The following DDX42 variants were observed in gnomAD, a reference collection of about 807,000 sequenced individuals.
DDX42 encodes the protein DEAD-box helicase 42.
In DDX42, 22 loss-of-function variants were observed where a neutral mutation model predicts 101.5. The ratio of observed to expected loss-of-function variants is 0.22; its 90% confidence interval spans 0.15 to 0.31. DDX42 has a LOEUF of 0.31. Among genes scored for constraint, DDX42 ranks in the 10% least tolerant of loss-of-function variants. The probability of loss-of-function intolerance (pLI) is 1.00; values close to 1 mark genes in which losing one functional copy is unlikely to be tolerated. For missense variants in DDX42, 849 were observed against 1,199.9 expected (o/e 0.71, Z 4.32); for synonymous variants, 402 against 401.2 (o/e 1.00, Z -0.02).
intron 7 of DDX42, 135 bp downstream of exon 7, chr17:63,805,310 A>G (rs2039825379): frequency 9.3e-7 from 1 of 1,073,038 alleles, no homozygotes; most frequent in African/African-American, 1.6e-5. Context: ...AGTAATTATT[A>G]TATCCCTTCT....
chr17:63,796,262 T>A (rs970856754), intron 3 of DDX42, among the ~76,000 whole-genome samples: 1 of 152,190 alleles, frequency 6.6e-6, no homozygotes, highest in Non-Finnish European at 1.5e-5. Context: ...CATAGCCCTT[T>A]CTGAGTGACA....
chr17:63,786,945 G>A (rs1351177286), intron 1 of DDX42, 89 bp from the exon 2 acceptor site: 3 of 1,342,178 alleles, frequency 2.2e-6, no homozygotes, highest in Non-Finnish European at 3.1e-6. Context: ...CAAAGTGCTG[G>A]GATTACAGGC....
intron 3 of DDX42, 69 bp from the exon 4 acceptor site, chr17:63,797,969 C>G: frequency 6.9e-7 from 1 of 1,451,720 alleles, no homozygotes; most frequent in South Asian, 1.3e-5. Flanking sequence ...GGCACTTGTT[C>G]CAATCTAAAA....
At chr17:63,801,302 G>A (rs11654651) in intron 6 of DDX42, among the ~76,000 whole-genome samples, 35,357 of 151,618 alleles carry the variant, frequency 0.23, 4,305 homozygotes, top group Middle Eastern at 0.34. Context: ...TGATCCCCCT[G>A]CCTCGGCCTC....
intron 1 of DDX42, among the ~76,000 whole-genome samples, chr17:63,781,150 T>A (rs1331921083): frequency 6.6e-6 from 1 of 152,226 alleles, no homozygotes; most frequent in Non-Finnish European, 1.5e-5. Context: ...ACCCTGTCCC[T>A]ACTGCTCCAT....
chr17:63,789,546 C>CGTGTTTTTT (rs138224520), intron 2 of DDX42, among the ~76,000 whole-genome samples: 1 of 121,850 alleles, frequency 8.2e-6, no homozygotes, highest in African/African-American at 3.4e-5. Flanking sequence ...TTCTAAAAGA[C>CGTGTTTTTT]TTTTTTGTTT....
rs1440816839 is a variant in DDX42, at chr17:63,818,597, G to A, written c.*199G>A. 3.6e-6 allele frequency: 2 copies of A among 560,926 alleles called. No homozygotes were observed. The highest frequency in any genetic ancestry group is 6.3e-6 in the Non-Finnish European group (2 of 319,348). 34.7% of individuals were successfully genotyped at this position (560,926 alleles called of 1,614,324 possible). A position where few individuals can be genotyped will look rare whatever the true frequency, so the allele number is the denominator to read the frequency against. ...TGGGAAGCTGTTTTGGTCCTTGGAA[G>A]CAGTGAGAGCTGGGAAGCTTCTTTT... is the stretch of plus-strand genomic sequence containing the variant. On this transcript the variant is annotated 3_prime_UTR_variant, in exon 18 of 18. Transcript: ENST00000389924.
chr17:63,787,690 T>G (rs2039563616), intron 2 of DDX42, among the ~76,000 whole-genome samples: 1 of 151,748 alleles, frequency 6.6e-6, no homozygotes, highest in South Asian at 2.1e-4. Context: ...TACAAAACAT[T>G]AGCCAGGCGT....
At chr17:63,810,952 CTAAATT>C (rs2039902644) in intron 12 of DDX42, 118 bp from the exon 13 acceptor site, 1 of 733,648 alleles carries the variant, frequency 1.4e-6, no homozygotes, top group South Asian at 2.0e-5. Context: ...AGTTTCTAAA[CTAAATT>C]TAAAGTTCAG....
intron 1 of DDX42, among the ~76,000 whole-genome samples, chr17:63,780,551 A>C (rs2039475643): frequency 6.6e-6 from 1 of 152,214 alleles, no homozygotes; most frequent in Non-Finnish European, 1.5e-5. Flanking sequence ...AATTGAGTCA[A>C]GTCTATGCCC....
At chr17:63,815,054 T>C (rs1054434057) in intron 15 of DDX42, among the ~76,000 whole-genome samples, 1 of 152,216 alleles carries the variant, frequency 6.6e-6, no homozygotes, top group Admixed American at 6.5e-5. Context: ...TTTTACGCTC[T>C]GCGGGTAAAT....
chr17:63,774,224 G>T lies in DDX42; in HGVS notation c.-169G>T. 5.0e-6 allele frequency: 1 copy of T among 201,366 alleles called. No homozygotes were observed. Among genetic ancestry groups the T allele is most frequent in the South Asian group, 1.2e-4 (1 of 8,316 alleles). 12.5% of individuals were successfully genotyped at this position (201,366 alleles called of 1,614,324 possible). The stretch of plus-strand genomic sequence containing the variant: ...TGAGGCGGTGGCGGTGGTGGCGGTG[G>T]CGGCGGCGGTGGTGGTGGTGGCGGC... On this transcript the variant is annotated 5_prime_UTR_variant, in exon 1 of 18. Coordinates refer to ENST00000389924, the MANE Select transcript of DDX42 (RefSeq NM_203499.3).
At chr17:63,806,796 G>T in intron 8 of DDX42, 142 bp downstream of exon 8, 2 of 834,800 alleles carry the variant, frequency 2.4e-6, no homozygotes, top group East Asian at 6.6e-5. Context: ...CTCTTAAGAA[G>T]TCACTAAATG....
intron 4 of DDX42, 80 bp from the exon 5 acceptor site, chr17:63,799,509 C>T (rs752116542): frequency 1.3e-6 from 2 of 1,527,994 alleles, no homozygotes; most frequent in African/African-American, 1.4e-5. Context: ...GTGTGGAATT[C>T]AACACTAATC....
rs770726718 is a variant in DDX42 at position 63,808,908 on chromosome 17, A to G, written c.1112A>G (p.Lys371Arg). The G allele has an allele frequency of 6.2e-7, 1 of 1,614,038 alleles. No individual in the cohort carries two copies. Among genetic ancestry groups the G allele is most frequent in the South Asian group, 1.1e-5 (1 of 91,076 alleles). Residue 371 changes from lysine to arginine, a missense_variant, in exon 10 of 18, where the codon AAG becomes AGG. Physicochemically the swap from Lys to Arg is conservative, Grantham distance 26. Coordinates refer to ENST00000389924, the MANE Select transcript of DDX42 (RefSeq NM_203499.3). ...GGAGGGAGTATGTGGGAGCAGGCCA[A>G]GGCCCTTCAGGAGGGGGCAGAGATT... ...YGGGSMWEQA[K>R]ALQEGAEIVV...
chr17:63,798,999 T>C (rs1394109041), intron 4 of DDX42, among the ~76,000 whole-genome samples: 1 of 152,202 alleles, frequency 6.6e-6, no homozygotes, highest in Non-Finnish European at 1.5e-5. Context: ...CAACCATATT[T>C]TCTCTATAGC....
At chr17:63,778,263 A>G (rs1424630730) in intron 1 of DDX42, among the ~76,000 whole-genome samples, 3 of 152,196 alleles carry the variant, frequency 2.0e-5, no homozygotes, top group East Asian at 1.9e-4. Context: ...CTCATAGACT[A>G]TGGAAGATTT....
rs138535741 is a variant in DDX42 at position 63,818,079 on chromosome 17, G to T, written c.2498G>T (p.Arg833Leu). 6.2e-7 allele frequency: 1 copy of T among 1,613,918 alleles called. No homozygotes were observed. The highest frequency in any genetic ancestry group is 1.7e-5 in the Admixed American group (1 of 60,000). Reference protein sequence around the residue: ...ETGNRHSDSPRHGDGGRHGDG... With the variant: ...ETGNRHSDSPLHGDGGRHGDG... ...GGCAATCGGCATAGCGATAGTCCAC[G>T]TCACGGAGATGGTGGTCGCCATGGA... The change falls in exon 18 of 18, where the codon CGT becomes CTT. Residue 833 changes from arginine (R) to leucine (L), a missense_variant. This residue lies in a region of DDX42 where 300 missense variants were observed against 304.9 expected (regional missense o/e 0.98). Coordinates refer to ENST00000389924, the MANE Select transcript of DDX42 (RefSeq NM_203499.3).
chr17:63,810,611 T>C (rs1397065779), intron 12 of DDX42, 51 bp downstream of exon 12: 1 of 1,538,776 alleles, frequency 6.5e-7, no homozygotes, highest in Non-Finnish European at 9.0e-7. Flanking sequence ...AAAGGGCACT[T>C]ATTTATTTTA....
Sources: gnomAD v4.1 joint callset for allele counts (sites outside exome capture counted in the v4.1 genomes callset) on GRCh38, gnomAD v4.1.1 for gene constraint, gnomAD v4.1.1 regional missense constraint, MANE v1.5 for transcripts, NCBI Gene and HGNC (gene_info 2026-07-23, HGNC 2026-07-21) for gene names.